ARHGEF10L: variants seen among roughly 807,000 people sequenced by gnomAD.
The protein encoded by ARHGEF10L is Rho guanine nucleotide exchange factor 10 like.
In ARHGEF10L, 69 loss-of-function variants were observed where a neutral mutation model predicts 141.2. That is an observed-to-expected ratio of 0.49 (90% confidence interval 0.40 to 0.60). The LOEUF (loss-of-function observed/expected upper bound fraction) is 0.60, where lower values mean the gene tolerates loss of function less well. ARHGEF10L is among the 20% of genes least tolerant of loss of function. ARHGEF10L has a pLI of 0.00. For synonymous variants in ARHGEF10L, 711 were observed against 718.5 expected (o/e 0.99, Z 0.17); for missense variants, 1,482 against 1,734.3 (o/e 0.85, Z 2.58).
chr1:17,620,338 G>A (rs530818794), intron 10 of ARHGEF10L, among the ~76,000 whole-genome samples: 74 of 152,318 alleles, frequency 4.9e-4, no homozygotes, highest in African/African-American at 1.7e-3. Flanking sequence ...AACAGGGTGC[G>A]AGATCCCTGA....
intron 27 of ARHGEF10L, chr1:17,694,513 TGAGGG>T (rs1223395247): frequency 5.0e-6 from 1 of 201,204 alleles, no homozygotes; most frequent in African/African-American, 2.4e-5. Flanking sequence ...GAGACAGAGC[TGAGGG>T]GAGAGCTAAA....
chr1:17,597,388 C>T (rs939247389), intron 4 of ARHGEF10L, among the ~76,000 whole-genome samples: 21 of 151,860 alleles, frequency 1.4e-4, no homozygotes, highest in African/African-American at 1.9e-4. Context: ...GAGGCTGCTC[C>T]GGGTGGGTAC....
intron 1 of ARHGEF10L, among the ~76,000 whole-genome samples, chr1:17,557,347 A>C (rs1334871558): frequency 1.3e-5 from 2 of 150,278 alleles, no homozygotes; most frequent in Non-Finnish European, 3.0e-5. Flanking sequence ...CATCTCAAAA[A>C]AAAAAAAACA....
chr1:17,570,369 C>T (rs2077942482), intron 1 of ARHGEF10L, among the ~76,000 whole-genome samples: 1 of 152,108 alleles, frequency 6.6e-6, no homozygotes, highest in South Asian at 2.1e-4. Context: ...GGAGCAGAGC[C>T]CTGAAGGTGA....
At chr1:17,574,526 C>T (rs533032873) in intron 1 of ARHGEF10L, among the ~76,000 whole-genome samples, 1 of 152,332 alleles carries the variant, frequency 6.6e-6, no homozygotes, top group South Asian at 2.1e-4. Context: ...TTATTTACAC[C>T]TGCACCTGAC....
chr1:17,696,812 T>C (rs1350000220), intron 28 of ARHGEF10L, 36 bp from the exon 29 acceptor site: 6 of 1,510,604 alleles, frequency 4.0e-6, no homozygotes, highest in African/African-American at 1.4e-5. Context: ...GCGCTGGGCC[T>C]TTGGGCCCCT....
intron 9 of ARHGEF10L, chr1:17,618,407 G>A (rs770857527): frequency 1.6e-5 from 25 of 1,540,586 alleles, no homozygotes; most frequent in South Asian, 2.4e-5. Context: ...GGCTGGGGTG[G>A]GTGCGGAGTG....
At chr1:17,562,501 C>T (rs1219461702) in intron 1 of ARHGEF10L, among the ~76,000 whole-genome samples, 2 of 152,178 alleles carry the variant, frequency 1.3e-5, no homozygotes, top group African/African-American at 4.8e-5. Context: ...TGAAATAACA[C>T]ATAAAGCACT....
chr1:17,661,772 C>T (rs957085610), intron 25 of ARHGEF10L, among the ~76,000 whole-genome samples: 1 of 152,258 alleles, frequency 6.6e-6, no homozygotes, highest in Non-Finnish European at 1.5e-5. Flanking sequence ...CGCTCAAAGC[C>T]TTGCATTTTC....
chr1:17,594,731 T>C (rs1198028596), intron 4 of ARHGEF10L, among the ~76,000 whole-genome samples: 1 of 147,222 alleles, frequency 6.8e-6, no homozygotes, highest in East Asian at 1.9e-4. Context: ...GTGATCTGCC[T>C]GCCTTGGCTT....
At chr1:17,527,273 T>C in the ARHGEF10L span, among the ~76,000 whole-genome samples, 1 of 152,264 alleles carries the variant, frequency 6.6e-6, no homozygotes, top group Non-Finnish European at 1.5e-5. Flanking sequence ...CTGACGCCGC[T>C]GATCAGAATT....
chr1:17,581,808 C>G (rs1037659261), intron 2 of ARHGEF10L, among the ~76,000 whole-genome samples: 1 of 151,108 alleles, frequency 6.6e-6, no homozygotes, highest in Non-Finnish European at 1.5e-5. Context: ...GGACAGACAG[C>G]GTGTGCCATG....
At chr1:17,566,397 G>A (rs1322976085) in intron 1 of ARHGEF10L, among the ~76,000 whole-genome samples, 1 of 152,258 alleles carries the variant, frequency 6.6e-6, no homozygotes, top group Non-Finnish European at 1.5e-5. Flanking sequence ...GATCTGTAAA[G>A]CTGTAACTAT....
intron 2 of ARHGEF10L, among the ~76,000 whole-genome samples, chr1:17,584,026 A>G (rs1447812089): frequency 1.3e-5 from 2 of 152,040 alleles, no homozygotes; most frequent in East Asian, 3.9e-4. Flanking sequence ...CGATTTTAAA[A>G]TTATTAAAAA....
intron 1 of ARHGEF10L, among the ~76,000 whole-genome samples, chr1:17,562,838 G>T (rs543884549): frequency 6.6e-6 from 1 of 152,300 alleles, no homozygotes; most frequent in Admixed American, 6.5e-5. Flanking sequence ...AGAGGTGTTT[G>T]TTGAACTAAT....
chr1:17,638,080 G>A, intron 19 of ARHGEF10L, 77 bp downstream of exon 19: 1 of 1,326,838 alleles, frequency 7.5e-7, no homozygotes, highest in Non-Finnish European at 1.0e-6. Context: ...GCTGAGTAGG[G>A]AGGGGCTCCT....
intron 27 of ARHGEF10L, among the ~76,000 whole-genome samples, chr1:17,692,303 T>C (rs999702805): frequency 1.3e-5 from 2 of 152,100 alleles, no homozygotes; most frequent in East Asian, 3.9e-4. Context: ...ATGAATGTGA[T>C]TTTTTGAGTT....
intron 4 of ARHGEF10L, among the ~76,000 whole-genome samples, chr1:17,597,012 A>G (rs1235016168): frequency 6.6e-6 from 1 of 152,180 alleles, no homozygotes; most frequent in Non-Finnish European, 1.5e-5. Context: ...TGGACCAGAA[A>G]CGCACCAGGT....
chr1:17,605,102 A>G (rs2081050602), intron 6 of ARHGEF10L, among the ~76,000 whole-genome samples: 1 of 152,174 alleles, frequency 6.6e-6, no homozygotes, highest in Non-Finnish European at 1.5e-5. Flanking sequence ...TGCTTTTCAC[A>G]CAGGGCCACT....
Sources: gnomAD v4.1 joint callset for allele counts (sites outside exome capture counted in the v4.1 genomes callset) on GRCh38, gnomAD v4.1.1 for gene constraint, MANE v1.5 for transcripts, NCBI Gene and HGNC (gene_info 2026-07-23, HGNC 2026-07-21) for gene names.